Variants in ATF6 observed in about 807,000 individuals in gnomAD.
ATF6 encodes cyclic AMP-dependent transcription factor ATF-6 alpha.
ATF6 carries 53 observed loss-of-function variants against 83.6 expected under a neutral mutation model. The observed-to-expected ratio is 0.63, with a 90% CI of 0.51 to 0.80. The LOEUF (loss-of-function observed/expected upper bound fraction) is 0.80. Ranked by LOEUF, ATF6 falls within the 30% of genes least tolerant of loss-of-function variation. The pLI, the probability that ATF6 is intolerant of heterozygous loss-of-function variation, is 0.00. For missense variants in ATF6, 744 were observed against 797.9 expected, an observed-to-expected ratio of 0.93 and a Z score of 0.81; for synonymous variants, 288 against 285.8, an observed-to-expected ratio of 1.01 and a Z score of -0.08.
At chr1:161,830,640 A>T (rs1686031774) in intron 9 of ATF6, among the ~76,000 whole-genome samples, 1 of 152,228 alleles carries the variant, frequency 6.6e-6, no homozygotes, top group African/African-American at 2.4e-5. Context: ...CAGAAATAAT[A>T]CCACACGTCT....
At position 161,810,427 on chromosome 1, in the gene ATF6, G is replaced by A. The variant is rs149479038; in HGVS notation, c.909+8155G>A. Among the ~76,000 whole-genome samples the A allele has an allele frequency of 5.2e-3, 789 of 152,162 alleles. 5 individuals are homozygous for A. Among genetic ancestry groups the A allele is most frequent in the African/African-American group, 0.018 (748 of 41,522 alleles). ...AAGGTGGAAATCTGCCTCCATGATC[G>A]AATCACCTTTCACCAGGCTCCTCCC... On this transcript the variant is annotated intron_variant, in intron 7 of 15. Transcript: ENST00000367942.
intron 15 of ATF6, among the ~76,000 whole-genome samples, chr1:161,951,123 A>G (rs1400185141): frequency 6.6e-6 from 1 of 152,250 alleles, no homozygotes; most frequent in Non-Finnish European, 1.5e-5. Context: ...GAACTTGACC[A>G]TATATAGCTT....
intron 7 of ATF6, among the ~76,000 whole-genome samples, chr1:161,817,807 A>G (rs750253990): frequency 3.3e-5 from 5 of 152,052 alleles, no homozygotes; most frequent in Non-Finnish European, 7.4e-5. Flanking sequence ...TTTAAAAGAA[A>G]TAGATTACAG....
At chr1:161,909,579 A>T (rs569239641) in intron 14 of ATF6, among the ~76,000 whole-genome samples, 1 of 152,250 alleles carries the variant, frequency 6.6e-6, no homozygotes, top group East Asian at 1.9e-4. Flanking sequence ...AAAAACTTGG[A>T]TTTATATTCT....
At chr1:161,904,616 A>T (rs972639181) in intron 14 of ATF6, among the ~76,000 whole-genome samples, 1 of 148,640 alleles carries the variant, frequency 6.7e-6, no homozygotes, top group African/African-American at 2.5e-5. Context: ...ACAAAAAACA[A>T]AAAAAACAAA....
chr1:161,826,264 GA>G (rs1208921587), intron 9 of ATF6, among the ~76,000 whole-genome samples: 2 of 152,066 alleles, frequency 1.3e-5, no homozygotes, highest in East Asian at 3.9e-4. Flanking sequence ...AGAATTTTAG[GA>G]AAGAAAAGAC....
intron 15 of ATF6, among the ~76,000 whole-genome samples, chr1:161,928,627 TAA>T (rs56784074): frequency 1.1e-4 from 16 of 151,240 alleles, no homozygotes; most frequent in Non-Finnish European, 1.9e-4. Flanking sequence ...GCCTTTTTTT[TAA>T]AAAAAAAAGC....
Position 161,958,774 on chromosome 1 carries a change from G to A in ATF6, c.*120G>A. ...AGAACTGTCTCGTACTAGAATTCAA[G>A]GAGGAAAGAAGAAGAAATAAAAGAA... On this transcript the variant is annotated 3_prime_UTR_variant, in exon 16 of 16. Transcript: ENST00000367942. The A allele has an allele frequency of 1.2e-6, 1 of 830,108 alleles. No individual in the cohort carries two copies. 51.4% of individuals were successfully genotyped at this position (830,108 alleles called of 1,614,324 possible). A position where few individuals can be genotyped will look rare whatever the true frequency, so the allele number is the denominator to read the frequency against.
At chr1:161,872,742 G>A (rs1182523391) in intron 14 of ATF6, among the ~76,000 whole-genome samples, 1 of 151,478 alleles carries the variant, frequency 6.6e-6, no homozygotes, top group African/African-American at 2.4e-5. Context: ...TACATTTATT[G>A]TAGAGTAATC....
At chr1:161,808,124 C>T (rs1284437287) in intron 7 of ATF6, among the ~76,000 whole-genome samples, 2 of 152,036 alleles carry the variant, frequency 1.3e-5, no homozygotes, top group African/African-American at 4.8e-5. Context: ...AAGTGATCCA[C>T]CTGCCTCGGC....
At chr1:161,894,501 G>A (rs552434353) in intron 14 of ATF6, among the ~76,000 whole-genome samples, 8 of 135,254 alleles carry the variant, frequency 5.9e-5, no homozygotes, top group African/African-American at 1.9e-4. Context: ...GGTTATTAGA[G>A]GCAACATTTG....
At chr1:161,798,949 C>T (rs768742195) in intron 6 of ATF6, among the ~76,000 whole-genome samples, 12 of 152,108 alleles carry the variant, frequency 7.9e-5, no homozygotes, top group Admixed American at 1.3e-4. Flanking sequence ...GAAAAATATC[C>T]GATGCTGGCA....
chr1:161,782,597 AATT>A (rs1489064817), intron 3 of ATF6, among the ~76,000 whole-genome samples: 1 of 152,166 alleles, frequency 6.6e-6, no homozygotes, highest in Admixed American at 6.5e-5. Context: ...AGCTGGGAAT[AATT>A]TATATCACCG....
intron 9 of ATF6, among the ~76,000 whole-genome samples, chr1:161,829,410 A>G (rs1008028566): frequency 1.3e-4 from 20 of 152,066 alleles, no homozygotes; most frequent in African/African-American, 4.6e-4. Context: ...AAGCAGACCT[A>G]ATATACATCT....
At chr1:161,891,637 AG>A (rs1419009801) in intron 14 of ATF6, 1 of 152,196 alleles carries the variant, frequency 6.6e-6, no homozygotes, top group Non-Finnish European at 1.5e-5. Context: ...AACATTGAGA[AG>A]ATCAAGATCC....
At chr1:161,855,816 G>A (rs1686744444) in intron 12 of ATF6, among the ~76,000 whole-genome samples, 1 of 152,216 alleles carries the variant, frequency 6.6e-6, no homozygotes, top group African/African-American at 2.4e-5. Context: ...CAGATAAAGA[G>A]TGAGAAATTA....
At chr1:161,946,803 AAAAC>A (rs1202982785) in intron 15 of ATF6, among the ~76,000 whole-genome samples, 1 of 152,240 alleles carries the variant, frequency 6.6e-6, no homozygotes, top group Non-Finnish European at 1.5e-5. Flanking sequence ...TTTAGTTTCT[AAAAC>A]AAATGAAAGC....
intron 7 of ATF6, among the ~76,000 whole-genome samples, chr1:161,817,116 C>T (rs981640341): frequency 2.6e-5 from 4 of 152,226 alleles, no homozygotes; most frequent in Non-Finnish European, 1.5e-5. Context: ...GTATGGGGCA[C>T]GTGGATTGAC....
intron 15 of ATF6, among the ~76,000 whole-genome samples, chr1:161,914,568 T>C (rs1198550617): frequency 6.6e-6 from 1 of 152,184 alleles, no homozygotes; most frequent in Non-Finnish European, 1.5e-5. Flanking sequence ...GGTCATAATC[T>C]AGACCTTATC....
Sources: allele counts gnomAD v4.1 joint callset (sites outside exome capture counted in the v4.1 genomes callset), GRCh38; gene constraint gnomAD v4.1.1; transcripts MANE v1.5; gene names NCBI Gene and HGNC (gene_info 2026-07-23, HGNC 2026-07-21).